FHIT: variants seen among roughly 807,000 people sequenced by gnomAD.
The protein encoded by FHIT is fragile histidine triad diadenosine triphosphatase.
A neutral mutation model predicts 17.9 loss-of-function variants in FHIT; 19 were observed. That is an observed-to-expected ratio of 1.06 (90% confidence interval 0.74 to 1.56). The LOEUF (loss-of-function observed/expected upper bound fraction) is 1.56. Among genes scored for constraint, FHIT ranks in the 40% most tolerant of loss-of-function variants. The pLI, the probability that FHIT is intolerant of heterozygous loss-of-function variation, is 0.00. For synonymous variants in FHIT, 81 were observed against 69.7 expected, an observed-to-expected ratio of 1.16 and a Z score of -0.81; for missense variants, 248 against 189.2, an observed-to-expected ratio of 1.31 and a Z score of -1.82.
At chr3:60,535,615 T>C (rs1378107279) in intron 5 of FHIT, among the ~76,000 whole-genome samples, 2 of 151,918 alleles carry the variant, frequency 1.3e-5, no homozygotes, top group African/African-American at 2.4e-5. Context: ...CAGAAGAAAA[T>C]AGTTTTCTAA....
intron 3 of FHIT, among the ~76,000 whole-genome samples, chr3:61,011,356 T>TA (rs1209246741): frequency 6.6e-6 from 1 of 152,148 alleles, no homozygotes; most frequent in Non-Finnish European, 1.5e-5. Flanking sequence ...TGCTCTCACA[T>TA]AAAAATTGAT....
At chr3:60,094,652 A>C (rs1703865259) in intron 5 of FHIT, among the ~76,000 whole-genome samples, 1 of 152,168 alleles carries the variant, frequency 6.6e-6, no homozygotes, top group Non-Finnish European at 1.5e-5. Context: ...AAGGGAAGTG[A>C]TGCCAAAGCC....
intron 1 of FHIT, among the ~76,000 whole-genome samples, chr3:61,217,480 G>A (rs55994842): frequency 0.04 from 6,105 of 152,238 alleles, 141 homozygotes; most frequent in Middle Eastern, 0.068. Context: ...CAACATGGTG[G>A]CTGAGTTCCA....
chr3:60,079,416 G>T (rs923628012), intron 5 of FHIT, among the ~76,000 whole-genome samples: 1 of 151,974 alleles, frequency 6.6e-6, no homozygotes, highest in East Asian at 1.9e-4. Context: ...GAGAAGAGGG[G>T]TTATTTTTTT....
intron 7 of FHIT, among the ~76,000 whole-genome samples, chr3:59,975,636 AAGAG>A (rs1230174642): frequency 2.0e-5 from 3 of 152,060 alleles, no homozygotes; most frequent in Non-Finnish European, 2.9e-5. Flanking sequence ...ACATTAGAGA[AAGAG>A]AGCAGGAGAG....
chr3:61,161,137 TAAA>T (rs201875023), intron 2 of FHIT, among the ~76,000 whole-genome samples: 5 of 133,332 alleles, frequency 3.8e-5, no homozygotes, highest in Admixed American at 7.5e-5. Context: ...CATCCACAGT[TAAA>T]AAAAAAAAAA....
intron 5 of FHIT, among the ~76,000 whole-genome samples, chr3:60,497,914 T>C (rs1433880267): frequency 1.3e-5 from 2 of 152,334 alleles, no homozygotes; most frequent in Non-Finnish European, 2.9e-5. Context: ...ATTTTATTTT[T>C]TCCTTTAGTT....
chr3:60,339,748 G>A (rs1345726905), intron 5 of FHIT, among the ~76,000 whole-genome samples: 1 of 152,170 alleles, frequency 6.6e-6, no homozygotes, highest in African/African-American at 2.4e-5. Flanking sequence ...ACAGATGTGT[G>A]CACAGAAACC....
At chr3:61,026,496 G>T (rs901773803) in intron 3 of FHIT, among the ~76,000 whole-genome samples, 10 of 151,954 alleles carry the variant, frequency 6.6e-5, no homozygotes, top group Non-Finnish European at 1.5e-4. Flanking sequence ...ACTTTTTTTC[G>T]CCAGCCTTAC....
chr3:61,194,150 A>G (rs550412326), intron 2 of FHIT, among the ~76,000 whole-genome samples: 2 of 152,120 alleles, frequency 1.3e-5, no homozygotes, highest in East Asian at 3.9e-4. Context: ...GCCTCTATGG[A>G]ATGAGGATCT....
At chr3:61,047,518 G>A (rs1328274399) in intron 2 of FHIT, among the ~76,000 whole-genome samples, 1 of 152,180 alleles carries the variant, frequency 6.6e-6, no homozygotes, top group Admixed American at 6.5e-5. Context: ...TATGCTCATG[G>A]ATAGGAAGAA....
chr3:61,075,260 G>A (rs1409299389), intron 2 of FHIT, among the ~76,000 whole-genome samples: 1 of 152,060 alleles, frequency 6.6e-6, no homozygotes, highest in Non-Finnish European at 1.5e-5. Context: ...ACTGCCCATT[G>A]GTTTAACAAT....
intron 5 of FHIT, among the ~76,000 whole-genome samples, chr3:60,418,412 A>C (rs1249802577): frequency 1.2e-5 from 1 of 84,892 alleles, no homozygotes; most frequent in Non-Finnish European, 2.3e-5. Context: ...ATATATATAT[A>C]TATATATATA....
chr3:60,031,670 C>A (rs1357653835), intron 5 of FHIT, among the ~76,000 whole-genome samples: 1 of 152,176 alleles, frequency 6.6e-6, no homozygotes, highest in Non-Finnish European at 1.5e-5. Context: ...AAAGGACCCC[C>A]ACCATTTTAA....
At chr3:59,915,197 T>C (rs1031984693) in intron 8 of FHIT, among the ~76,000 whole-genome samples, 1 of 152,150 alleles carries the variant, frequency 6.6e-6, no homozygotes, top group African/African-American at 2.4e-5. Context: ...TGATGGAATG[T>C]ATCTGGTTGG....
chr3:61,229,258 C>A (rs542590672), intron 1 of FHIT, among the ~76,000 whole-genome samples: 1 of 152,064 alleles, frequency 6.6e-6, no homozygotes, highest in Admixed American at 6.6e-5. Context: ...TGCAGACAGA[C>A]AGAAAAGAAG....
intron 3 of FHIT, among the ~76,000 whole-genome samples, chr3:60,952,403 A>G (rs1266638834): frequency 6.6e-6 from 1 of 152,162 alleles, no homozygotes; most frequent in African/African-American, 2.4e-5. Context: ...TGTAGTCACA[A>G]TCAAAGAATA....
At chr3:60,449,239 C>T (rs2031552465) in intron 5 of FHIT, among the ~76,000 whole-genome samples, 1 of 152,106 alleles carries the variant, frequency 6.6e-6, no homozygotes, top group African/African-American at 2.4e-5. Context: ...GGAAAGAGAA[C>T]CAGTGCCCCG....
intron 5 of FHIT, among the ~76,000 whole-genome samples, chr3:60,472,842 T>TG (rs934431119): frequency 2.0e-5 from 3 of 151,486 alleles, no homozygotes; most frequent in African/African-American, 7.3e-5. Flanking sequence ...AAGTTGGGGG[T>TG]GGGGGTGGAG....
Sources: gnomAD v4.1 joint callset for allele counts (sites outside exome capture counted in the v4.1 genomes callset) on GRCh38, gnomAD v4.1.1 for gene constraint, MANE v1.5 for transcripts, NCBI Gene and HGNC (gene_info 2026-07-23, HGNC 2026-07-21) for gene names.